The following JPH1 variants were observed in gnomAD, a reference collection of about 807,000 sequenced individuals.
The protein encoded by JPH1 is junctophilin 1.
JPH1 carries 12 observed loss-of-function variants against 53.6 expected under a neutral mutation model. That is an observed-to-expected ratio of 0.22 (90% CI 0.14 to 0.36). The LOEUF (loss-of-function observed/expected upper bound fraction) is 0.36. Ranked by LOEUF, JPH1 falls within the 10% of genes least tolerant of loss-of-function variation. The pLI is 1.00. For synonymous variants in JPH1, 375 were observed against 363.8 expected (o/e 1.03, Z -0.35); for missense variants, 808 against 905.5 (o/e 0.89, Z 1.38).
chr8:74,242,679 T>C lies in JPH1; in HGVS notation c.1905+1850A>G, dbSNP rs570802266. ...CTATTGGGAAGACAATGTTAATTAT[T>C]AGAATCTTCGCGTGAAGGTGTCAAG... On this transcript the variant is annotated intron_variant, in intron 4 of 5. Transcript: ENST00000342232. Among the ~76,000 whole-genome samples the C allele has an allele frequency of 3.0e-4, 46 of 152,334 alleles. 1 individual carries two copies. The highest frequency in any genetic ancestry group is 1.0e-3 in the African/African-American group (43 of 41,574).
At chr8:74,313,569 C>T (rs1808055925) in intron 2 of JPH1, among the ~76,000 whole-genome samples, 6 of 149,972 alleles carry the variant, frequency 4.0e-5, no homozygotes. Context: ...AAAAAAAGAA[C>T]TCTAGAAGTA....
intron 3 of JPH1, among the ~76,000 whole-genome samples, chr8:74,256,260 G>C (rs1806226098): frequency 1.3e-5 from 2 of 152,086 alleles, no homozygotes; most frequent in Admixed American, 1.3e-4. Flanking sequence ...GATGAAGCTG[G>C]AGACCATCAT....
intron 2 of JPH1, among the ~76,000 whole-genome samples, chr8:74,306,160 T>C (rs1415062582): frequency 6.6e-6 from 1 of 152,220 alleles, no homozygotes; most frequent in African/African-American, 2.4e-5. Flanking sequence ...GGCCAGGAGC[T>C]GGCCAGAGGA....
At chr8:74,278,855 TAA>T (rs1214342668) in intron 2 of JPH1, among the ~76,000 whole-genome samples, 1 of 152,156 alleles carries the variant, frequency 6.6e-6, no homozygotes, top group Non-Finnish European at 1.5e-5. Context: ...GCAGACCACT[TAA>T]AAGTCTTGGA....
intron 2 of JPH1, among the ~76,000 whole-genome samples, chr8:74,295,777 G>A (rs1807490778): frequency 6.6e-6 from 1 of 152,092 alleles, no homozygotes; most frequent in Non-Finnish European, 1.5e-5. Context: ...GGTCTCTCGG[G>A]TTCTTGCTCC....
rs200825511 is a variant in JPH1, at chr8:74,255,925, T to C, written c.1258+3460A>G. Among the ~76,000 whole-genome samples, 229 of 152,274 alleles carry C rather than the reference T, an allele frequency of 1.5e-3. 1 individual carries two copies. The highest frequency in any genetic ancestry group is 5.3e-3 in the African/African-American group (219 of 41,560). ...TGGAGAGGATGTGGAGAAATAGGAATACTTTTACACTGTTGGTGGGACTGT... is the reference window on the plus strand; with the variant it reads ...TGGAGAGGATGTGGAGAAATAGGAACACTTTTACACTGTTGGTGGGACTGT... On this transcript the variant is annotated intron_variant, in intron 3 of 5. Transcript: ENST00000342232.
At chr8:74,313,303 T>A (rs1586777173) in intron 2 of JPH1, among the ~76,000 whole-genome samples, 1 of 152,164 alleles carries the variant, frequency 6.6e-6, no homozygotes, top group East Asian at 1.9e-4. Context: ...ATAAGCAAAC[T>A]GAAAAGCAAA....
chr8:74,279,700 C>T (rs113869262), intron 2 of JPH1, among the ~76,000 whole-genome samples: 10 of 152,278 alleles, frequency 6.6e-5, no homozygotes, highest in African/African-American at 2.4e-4. Flanking sequence ...TATTCTCTCC[C>T]CTTGCTATAA....
chr8:74,259,385 C>T lies in JPH1; in HGVS notation c.1258G>A (p.Gly420Ser). 6.2e-7 allele frequency: 1 copy of T among 1,612,018 alleles called. No individual in the cohort carries two copies. The highest frequency in any genetic ancestry group is 8.5e-7 in the Non-Finnish European group (1 of 1,178,438). Residue 420 changes from glycine (G) to serine (S), a missense_variant and splice_region_variant, in exon 3 of 6, where the codon GGC (glycine) becomes AGC (serine). This residue lies in a region of JPH1 where 756 missense variants were observed against 811.9 expected (regional missense o/e 0.93). Coordinates refer to ENST00000342232, the MANE Select transcript of JPH1 (RefSeq NM_020647.4). ...ACCCATCAAAGGAGCACTGTTTTACCTGGTTGGTAGAAATCAGGTGACAGC... is the reference window on the plus strand; with the variant it reads ...ACCCATCAAAGGAGCACTGTTTTACTTGGTTGGTAGAAATCAGGTGACAGC... ...RELSPDFYQP[G>S]PDYVKQRFQE... is the part of the protein sequence containing the mutation.
chr8:74,284,952 G>A (rs2131424003), intron 2 of JPH1, among the ~76,000 whole-genome samples: 1 of 151,986 alleles, frequency 6.6e-6, no homozygotes. Context: ...AGCCTCCTGA[G>A]TAGCTGGGAT....
At chr8:74,253,631 T>C (rs150227710) in intron 3 of JPH1, among the ~76,000 whole-genome samples, 2,281 of 151,984 alleles carry the variant, frequency 0.015, 29 homozygotes, top group Non-Finnish European at 0.022. Context: ...ATCAACACAA[T>C]TGATAGACCG....
At chr8:74,299,188 C>CG (rs1461180377) in intron 2 of JPH1, among the ~76,000 whole-genome samples, 1 of 151,296 alleles carries the variant, frequency 6.6e-6, no homozygotes, top group Non-Finnish European at 1.5e-5. Flanking sequence ...AACTTCTTTA[C>CG]GAAGTCATTC....
In JPH1 at chr8:74,321,282, C is replaced by G. The variant is rs764956170; in HGVS notation, c.6G>C (p.Thr2=). 6.4e-7 allele frequency: 1 copy of G among 1,573,598 alleles called. No individual in the cohort carries two copies. The highest frequency in any genetic ancestry group is 1.2e-5 in the South Asian group (1 of 85,146). Residue 2 remains threonine (T), a synonymous_variant, in exon 1 of 6, where the codon ACG becomes ACC. Transcript: ENST00000342232. The surrounding 1 kb of genome is among the most constrained non-coding windows in gnomAD (Gnocchi z 4.3). ...CATCGTCGAAGTCGAACCTTCCGCCCGTCATTCGGGGGGCAGCCCCGGCGC... is the reference window on the plus strand; with the variant it reads ...CATCGTCGAAGTCGAACCTTCCGCCGGTCATTCGGGGGGCAGCCCCGGCGC... The part of the protein sequence containing the change: M[T]GGRFDFDDGG...
intron 2 of JPH1, among the ~76,000 whole-genome samples, chr8:74,301,185 C>T (rs2131446185): frequency 6.6e-6 from 1 of 152,248 alleles, no homozygotes; most frequent in East Asian, 1.9e-4. Context: ...TCTTTTATCA[C>T]CTCCTCCACA....
intron 2 of JPH1, among the ~76,000 whole-genome samples, chr8:74,283,421 AAGGG>A (rs1807070053): frequency 6.6e-6 from 1 of 152,190 alleles, no homozygotes; most frequent in African/African-American, 2.4e-5. Flanking sequence ...GAATGGGAAA[AAGGG>A]AGCACAAGAG....
chr8:74,273,556 G>A (rs941472545), intron 2 of JPH1, among the ~76,000 whole-genome samples: 1 of 152,060 alleles, frequency 6.6e-6, no homozygotes, highest in African/African-American at 2.4e-5. Context: ...AGTCAGGATC[G>A]CTCATATTTT....
rs776166197 is a variant in JPH1 at position 74,321,216 on chromosome 8, G to C, written c.72C>G (p.His24Gln). ...YCGGWEEGKA[H>Q]GHGICTGPKG... ...TGGGCCCCGTGCAGATGCCATGCCCGTGCGCCTTGCCCTCCTCCCAGCCGC... is the reference window on the plus strand; with the variant it reads ...TGGGCCCCGTGCAGATGCCATGCCCCTGCGCCTTGCCCTCCTCCCAGCCGC... The change falls in exon 1 of 6, where the codon CAC becomes CAG. Residue 24 changes from histidine to glutamine, a missense_variant. Around this residue, in one of 2 missense-constraint regions of JPH1, gnomAD observed 52 missense variants for 93.6 expected, o/e 0.56. Coordinates refer to ENST00000342232, the MANE Select transcript of JPH1 (RefSeq NM_020647.4). This position sits in a 1 kb window ranked among gnomAD's most constrained non-coding sequence, Gnocchi z 4.3. 6.2e-7 allele frequency: 1 copy of C among 1,610,962 alleles called. No homozygotes were observed.
intron 2 of JPH1, among the ~76,000 whole-genome samples, chr8:74,266,346 T>A (rs530965552): frequency 6.6e-5 from 10 of 152,162 alleles, no homozygotes; most frequent in Admixed American, 5.2e-4. Context: ...TGCTATGCAG[T>A]GATTATATAC....
intron 4 of JPH1, among the ~76,000 whole-genome samples, chr8:74,237,646 T>C (rs1807040006): frequency 6.6e-6 from 1 of 152,190 alleles, no homozygotes; most frequent in Non-Finnish European, 1.5e-5. Flanking sequence ...AGACGTGCAT[T>C]TGTTGTTAGA....
Sources: gnomAD v4.1 joint callset for allele counts (sites outside exome capture counted in the v4.1 genomes callset) on GRCh38, gnomAD v4.1.1 for gene constraint, gnomAD v4.1.1 regional missense constraint, Gnocchi (gnomAD v3.1) non-coding constraint, MANE v1.5 for transcripts, NCBI Gene and HGNC (gene_info 2026-07-23, HGNC 2026-07-21) for gene names.